CNTNAP2: variants seen among roughly 807,000 people sequenced by gnomAD.
The protein encoded by CNTNAP2 is contactin associated protein 2, also known as contactin-associated protein-like 2.
Under a neutral mutation model 155.2 loss-of-function variants are expected in CNTNAP2, and 98 were observed. The observed-to-expected ratio is 0.63, with a 90% CI of 0.54 to 0.75. CNTNAP2 has a LOEUF of 0.75. CNTNAP2 is among the 30% of genes least tolerant of loss of function. CNTNAP2 has a pLI of 0.00. For synonymous variants in CNTNAP2, 651 were observed against 631.2 expected, an observed-to-expected ratio of 1.03 and a Z score of -0.47; for missense variants, 1,727 against 1,688.1, an observed-to-expected ratio of 1.02 and a Z score of -0.40.
intron 1 of CNTNAP2, among the ~76,000 whole-genome samples, chr7:146,593,035 C>A (rs999523399): frequency 2.0e-5 from 3 of 151,992 alleles, no homozygotes; most frequent in African/African-American, 7.3e-5. Context: ...CTGTCAGGTA[C>A]ATCTCTCATA....
chr7:147,731,869 C>T (rs542290984), intron 13 of CNTNAP2, among the ~76,000 whole-genome samples: 4 of 152,084 alleles, frequency 2.6e-5, no homozygotes, highest in Admixed American at 6.5e-5. Context: ...TGGATGACTT[C>T]GAGGGGTTCA....
At chr7:148,390,998 C>T (rs757117664) in intron 22 of CNTNAP2, among the ~76,000 whole-genome samples, 12 of 152,136 alleles carry the variant, frequency 7.9e-5, no homozygotes, top group South Asian at 2.1e-4. Flanking sequence ...GACATGGCCT[C>T]GTGTAACATA....
At chr7:148,103,832 T>G (rs1026386693) in intron 15 of CNTNAP2, among the ~76,000 whole-genome samples, 6 of 152,240 alleles carry the variant, frequency 3.9e-5, no homozygotes, top group Admixed American at 6.5e-5. Flanking sequence ...TATTTCCTTC[T>G]TCTTGAGGAT....
At chr7:147,404,753 G>T (rs1451944839) in intron 10 of CNTNAP2, among the ~76,000 whole-genome samples, 1 of 152,038 alleles carries the variant, frequency 6.6e-6, no homozygotes, top group Admixed American at 6.6e-5. Context: ...TTAAGCCATG[G>T]GCATCTTTCT....
intron 13 of CNTNAP2, among the ~76,000 whole-genome samples, chr7:147,700,067 T>C (rs1036714423): frequency 6.6e-6 from 1 of 152,226 alleles, no homozygotes; most frequent in East Asian, 1.9e-4. Context: ...GCTTTATTCA[T>C]AGCCTTTCTT....
At chr7:146,852,556 C>T (rs1303129035) in intron 3 of CNTNAP2, among the ~76,000 whole-genome samples, 1 of 152,094 alleles carries the variant, frequency 6.6e-6, no homozygotes, top group African/African-American at 2.4e-5. Flanking sequence ...CTGCACTAGG[C>T]ACCATTTAAC....
At chr7:147,069,951 A>G (rs898905977) in intron 4 of CNTNAP2, among the ~76,000 whole-genome samples, 1 of 151,884 alleles carries the variant, frequency 6.6e-6, no homozygotes, top group Non-Finnish European at 1.5e-5. Context: ...GCAGTATTAG[A>G]CAACACAGCA....
At chr7:146,865,758 A>G (rs1340487115) in intron 3 of CNTNAP2, among the ~76,000 whole-genome samples, 1 of 152,170 alleles carries the variant, frequency 6.6e-6, no homozygotes, top group Non-Finnish European at 1.5e-5. Flanking sequence ...AGCCATAAAA[A>G]TGATAAAAGC....
chr7:147,527,145 C>A (rs972101384), intron 11 of CNTNAP2, among the ~76,000 whole-genome samples: 3 of 150,058 alleles, frequency 2.0e-5, no homozygotes, highest in Admixed American at 6.7e-5. Context: ...GCCTCAGCCT[C>A]CCAAGTAGCT....
chr7:148,044,796 G>C (rs1298725418), intron 15 of CNTNAP2: 1 of 152,224 alleles, frequency 6.6e-6, no homozygotes, highest in Non-Finnish European at 1.5e-5. Flanking sequence ...GCTTTTGTCT[G>C]CTCTGTGTCT....
At chr7:147,234,332 T>TCC (rs1177545809) in intron 8 of CNTNAP2, among the ~76,000 whole-genome samples, 5 of 96,814 alleles carry the variant, frequency 5.2e-5, no homozygotes, top group African/African-American at 9.0e-5. Flanking sequence ...CCCAAGAGTA[T>TCC]TCTTTTTTTT....
At chr7:146,780,820 A>G (rs577490053) in intron 2 of CNTNAP2, among the ~76,000 whole-genome samples, 1 of 152,250 alleles carries the variant, frequency 6.6e-6, no homozygotes, top group South Asian at 2.1e-4. Context: ...GAGCTGAACA[A>G]TGAGAACACA....
intron 1 of CNTNAP2, among the ~76,000 whole-genome samples, chr7:146,607,928 C>T (rs984203468): frequency 6.6e-6 from 1 of 152,012 alleles, no homozygotes; most frequent in South Asian, 2.1e-4. Context: ...TGCCTCAGTC[C>T]CTTTACTTGC....
chr7:146,740,109 C>T (rs1355463974), intron 1 of CNTNAP2, among the ~76,000 whole-genome samples: 1 of 151,984 alleles, frequency 6.6e-6, no homozygotes, highest in Non-Finnish European at 1.5e-5. Flanking sequence ...GATGCTGTCA[C>T]ATAAGTTTCA....
intron 22 of CNTNAP2, among the ~76,000 whole-genome samples, chr7:148,400,809 A>G (rs1023396460): frequency 6.6e-6 from 1 of 152,054 alleles, no homozygotes; most frequent in Middle Eastern, 3.2e-3. Flanking sequence ...GTGAAACCCA[A>G]TCTCTACTAA....
chr7:146,254,876 G>T (rs1799814138), intron 1 of CNTNAP2, among the ~76,000 whole-genome samples: 1 of 151,780 alleles, frequency 6.6e-6, no homozygotes, highest in Non-Finnish European at 1.5e-5. Context: ...TTTGTAAGGT[G>T]ATGGTATCAT....
At chr7:148,090,831 G>C (rs78822517) in intron 15 of CNTNAP2, among the ~76,000 whole-genome samples, 25 of 152,084 alleles carry the variant, frequency 1.6e-4, no homozygotes, top group Non-Finnish European at 2.9e-4. Context: ...CAATCGCTAA[G>C]ATCTGGACTC....
intron 8 of CNTNAP2, among the ~76,000 whole-genome samples, chr7:147,299,570 T>C (rs1030752146): frequency 2.0e-5 from 3 of 152,200 alleles, no homozygotes; most frequent in African/African-American, 7.2e-5. Flanking sequence ...TATTATTTAG[T>C]ACTTAATTTC....
chr7:148,280,160 T>C (rs1796946586), intron 21 of CNTNAP2, among the ~76,000 whole-genome samples: 1 of 151,732 alleles, frequency 6.6e-6, no homozygotes, highest in Non-Finnish European at 1.5e-5. Context: ...ATATAAAAAT[T>C]AGCCAGGCAT....
Sources: allele counts gnomAD v4.1 joint callset (sites outside exome capture counted in the v4.1 genomes callset), GRCh38; gene constraint gnomAD v4.1.1; transcripts MANE v1.5; gene names NCBI Gene and HGNC (gene_info 2026-07-23, HGNC 2026-07-21).